SLC25A17: variants seen among roughly 807,000 people sequenced by gnomAD.
The protein encoded by SLC25A17 is peroxisomal membrane protein PMP34.
A neutral mutation model predicts 38.5 loss-of-function variants in SLC25A17; 26 were observed. The ratio of observed to expected loss-of-function variants is 0.68; its 90% CI spans 0.50 to 0.94. The LOEUF (loss-of-function observed/expected upper bound fraction) is 0.94, where lower values mean the gene tolerates loss of function less well. Among genes scored for constraint, SLC25A17 ranks in the 40% least tolerant of loss-of-function variants. The pLI is 0.00. For synonymous variants in SLC25A17, 139 were observed against 136.2 expected (o/e 1.02, Z -0.14); for missense variants, 333 against 372.7 (o/e 0.89, Z 0.88).
chr22:40,799,202 C>T, intron 1 of SLC25A17, 119 bp from the exon 2 acceptor site: 1 of 348,824 alleles, frequency 2.9e-6, no homozygotes, highest in Non-Finnish European at 5.1e-6. Flanking sequence ...TTTACGGCAG[C>T]CTTGAACTCT....
chr22:40,794,712 T>G, intron 2 of SLC25A17, 132 bp from the exon 3 acceptor site: 1 of 416,672 alleles, frequency 2.4e-6, no homozygotes, highest in Non-Finnish European at 4.3e-6. Flanking sequence ...CTCCACCTCC[T>G]GGGTTCAAGC....
intron 2 of SLC25A17, among the ~76,000 whole-genome samples, chr22:40,795,629 CTT>C (rs776810719): frequency 6.0e-4 from 92 of 152,080 alleles, no homozygotes; most frequent in Non-Finnish European, 2.5e-4. Context: ...ATAAAGCTCT[CTT>C]GTTTTATTCA....
Position 40,770,232 on chromosome 22 carries a change from T to C in SLC25A17, c.*602A>G, listed in dbSNP as rs985903626. 4 of 152,132 alleles carry C rather than the reference T, an allele frequency of 2.6e-5. No individual in the cohort carries two copies. Among genetic ancestry groups the C allele is most frequent in the Non-Finnish European group, 4.4e-5 (3 of 68,030 alleles). 9.4% of individuals were successfully genotyped at this position (152,132 alleles called of 1,614,324 possible). A position where few individuals can be genotyped will look rare whatever the true frequency, so the allele number is the denominator to read the frequency against. ...CTAATGAATAAGTGACATTTACAAA[T>C]AGTTTATAAGAGAATCATTTGGGTG... On this transcript the variant is annotated 3_prime_UTR_variant, in exon 9 of 9. Transcript: ENST00000435456.
intron 7 of SLC25A17, among the ~76,000 whole-genome samples, chr22:40,774,410 G>A (rs899780993): frequency 1.3e-5 from 2 of 152,124 alleles, no homozygotes; most frequent in Non-Finnish European, 2.9e-5. Context: ...TTTTAGCAGA[G>A]ATGTGGTTTC....
chr22:40,819,334 G>T lies in SLC25A17; in HGVS notation c.-86C>A. 1.4e-6 allele frequency: 2 copies of T among 1,420,514 alleles called. No individual in the cohort carries two copies. Among genetic ancestry groups the T allele is most frequent in the Non-Finnish European group, 1.9e-6 (2 of 1,035,854 alleles). The allele number at this position is 1,420,514 out of a possible 1,614,324, so 88.0% of individuals were successfully genotyped here. ...TAGGAAAGGAGCACCGGAGCTCAGG[G>T]TGTGAGAGTCGCAATCCCCGCCCTC... On this transcript the variant is annotated 5_prime_UTR_variant, in exon 1 of 9. Coordinates refer to ENST00000435456, the MANE Select transcript of SLC25A17 (RefSeq NM_006358.4).
At chr22:40,801,517 G>C (rs2057484038) in intron 1 of SLC25A17, among the ~76,000 whole-genome samples, 1 of 151,470 alleles carries the variant, frequency 6.6e-6, no homozygotes, top group Non-Finnish European at 1.5e-5. Flanking sequence ...CTTTTTTGAT[G>C]ACCCCAACAT....
chr22:40,800,682 C>T (rs1256098797), intron 1 of SLC25A17, among the ~76,000 whole-genome samples: 1 of 151,970 alleles, frequency 6.6e-6, no homozygotes, highest in Non-Finnish European at 1.5e-5. Context: ...TAGGTGTGAG[C>T]CACTGCACCT....
At chr22:40,790,194 A>T (rs1388074717) in intron 4 of SLC25A17, among the ~76,000 whole-genome samples, 1 of 151,758 alleles carries the variant, frequency 6.6e-6, no homozygotes, top group African/African-American at 2.4e-5. Context: ...ATAAAAAATT[A>T]GCTGGGCATG....
chr22:40,786,502 T>C (rs928175047), intron 4 of SLC25A17, among the ~76,000 whole-genome samples: 6 of 152,174 alleles, frequency 3.9e-5, no homozygotes, highest in South Asian at 2.1e-4. Context: ...CACAAGTATT[T>C]GCATGTAACC....
At chr22:40,799,125 G>A in intron 1 of SLC25A17, 42 bp from the exon 2 acceptor site, 1 of 1,524,858 alleles carries the variant, frequency 6.6e-7, no homozygotes, top group Non-Finnish European at 9.1e-7. Flanking sequence ...CACAAACATA[G>A]TTTAAGTCAC....
At chr22:40,799,763 G>A (rs1318985544) in intron 1 of SLC25A17, 1 of 152,136 alleles carries the variant, frequency 6.6e-6, no homozygotes, top group Non-Finnish European at 1.5e-5. Flanking sequence ...ATTAGGATTA[G>A]CAATGTTCAA....
intron 2 of SLC25A17, chr22:40,798,289 G>T: frequency 6.6e-6 from 1 of 152,648 alleles, no homozygotes; most frequent in Non-Finnish European, 1.5e-5. Context: ...TGAGTCCACA[G>T]AGCTACAGTC....
At chr22:40,783,735 T>C (rs1212462061) in intron 4 of SLC25A17, among the ~76,000 whole-genome samples, 1 of 152,054 alleles carries the variant, frequency 6.6e-6, no homozygotes, top group East Asian at 1.9e-4. Flanking sequence ...AGATGGAGTC[T>C]CGCTCTATCT....
chr22:40,795,517 C>T (rs1243203767), intron 2 of SLC25A17, among the ~76,000 whole-genome samples: 2 of 151,592 alleles, frequency 1.3e-5, no homozygotes, highest in African/African-American at 4.8e-5. Flanking sequence ...GTCTTGATCT[C>T]CTGACCTCGT....
At position 40,793,646 on chromosome 22, in the gene SLC25A17, CTT is replaced by C. The variant is rs568926737; in HGVS notation, c.182+866_182+867del. 3.2e-4 allele frequency among the ~76,000 whole-genome samples: 49 copies of C among 151,294 alleles called. 1 individual carries two copies. The highest frequency in any genetic ancestry group is 9.9e-4 in the Admixed American group (15 of 15,184). ...TTTTTTTTTGAAACGGAGTTTTGCT[CTT>C]GTTGCCCAGGCTGGAGTGCAATGGC... is the stretch of plus-strand genomic sequence containing the variant. On this transcript the variant is annotated intron_variant, in intron 3 of 8. Coordinates refer to ENST00000435456, the MANE Select transcript of SLC25A17 (RefSeq NM_006358.4).
chr22:40,787,429 C>G (rs1222584770), intron 4 of SLC25A17, among the ~76,000 whole-genome samples: 1 of 152,174 alleles, frequency 6.6e-6, no homozygotes, highest in South Asian at 2.1e-4. Context: ...TGGAAGAGCA[C>G]AGGCATCCTA....
intron 1 of SLC25A17, among the ~76,000 whole-genome samples, chr22:40,802,727 G>A (rs1365583973): frequency 6.6e-6 from 1 of 152,110 alleles, no homozygotes; most frequent in African/African-American, 2.4e-5. Flanking sequence ...GATCAAGAGG[G>A]TTAGCTGAAA....
intron 4 of SLC25A17, 58 bp downstream of exon 4, chr22:40,792,467 A>G (rs772378153): frequency 1.8e-4 from 254 of 1,439,964 alleles, no homozygotes; most frequent in Non-Finnish European, 2.1e-4. Context: ...AACCTCTTAG[A>G]GGATATAAAA....
chr22:40,789,509 T>G lies in SLC25A17; in HGVS notation c.334+3016A>C, dbSNP rs966057297. On this transcript the variant is annotated intron_variant, in intron 4 of 8. Coordinates refer to ENST00000435456, the MANE Select transcript of SLC25A17 (RefSeq NM_006358.4). The surrounding 1 kb of genome is among the most constrained non-coding windows in gnomAD (Gnocchi z 4.5). ...CCCTACCTTTTAAAATATTTTATGT[T>G]TGTTTGTTTATTTAGAGGTAGAGTT... Among the ~76,000 whole-genome samples, 6 of 152,194 alleles carry G rather than the reference T, an allele frequency of 3.9e-5. No homozygotes were observed. Among genetic ancestry groups the G allele is most frequent in the African/African-American group, 1.4e-4 (6 of 41,444 alleles).
Sources: allele counts gnomAD v4.1 joint callset (sites outside exome capture counted in the v4.1 genomes callset), GRCh38; gene constraint gnomAD v4.1.1; non-coding constraint Gnocchi (gnomAD v3.1); transcripts MANE v1.5; gene names NCBI Gene and HGNC (gene_info 2026-07-23, HGNC 2026-07-21).